RNPEP: variants seen among roughly 807,000 people sequenced by gnomAD.
RNPEP encodes arginyl aminopeptidase.
RNPEP carries 57 observed loss-of-function variants against 70.1 expected under a neutral mutation model. That is an observed-to-expected ratio of 0.81 (90% CI 0.66 to 1.01). The LOEUF (loss-of-function observed/expected upper bound fraction) is 1.01, where lower values mean the gene tolerates loss of function less well. RNPEP is among the 50% of genes least tolerant of loss of function. The probability of loss-of-function intolerance (pLI) is 0.00; values close to 1 mark genes in which losing one functional copy is unlikely to be tolerated. For synonymous variants in RNPEP, 335 were observed against 357.4 expected, an observed-to-expected ratio of 0.94 and a Z score of 0.71; for missense variants, 787 against 852.4, an observed-to-expected ratio of 0.92 and a Z score of 0.96.
In RNPEP at chr1:202,005,816, A is replaced by T; in HGVS notation, c.*100A>T. ...TTCCCTGATCAACTTCCTGGAGTTT[A>T]TATCCCCTCAGGATAATCTATTCTC... On this transcript the variant is annotated 3_prime_UTR_variant, in exon 11 of 11. Coordinates refer to ENST00000295640, the MANE Select transcript of RNPEP (RefSeq NM_020216.4). The T allele has an allele frequency of 7.4e-7, 1 of 1,344,554 alleles. No homozygotes were observed. The allele number at this position is 1,344,554 out of a possible 1,614,324, so 83.3% of individuals were successfully genotyped here.
At position 201,986,816 on chromosome 1, in the gene RNPEP, AG is replaced by A. The variant is rs574897847; in HGVS notation, c.448-2086del. ...CGGCCTCCCAAAGTGCTGGGATTAC[AG>A]GTGTGAGCCACTGCGCCCAGCCAAA... On this transcript the variant is annotated intron_variant, in intron 1 of 10. Coordinates refer to ENST00000295640, the MANE Select transcript of RNPEP (RefSeq NM_020216.4). Among the ~76,000 whole-genome samples the A allele has an allele frequency of 2.1e-3, 313 of 152,226 alleles. 1 individual carries two copies. Among genetic ancestry groups the A allele is most frequent in the Non-Finnish European group, 3.0e-3 (206 of 68,010 alleles).
intron 3 of RNPEP, 55 bp from the exon 4 acceptor site, chr1:201,996,092 G>A: frequency 3.5e-6 from 5 of 1,416,996 alleles, no homozygotes; most frequent in South Asian, 2.3e-5. Flanking sequence ...TCAGGATCAG[G>A]TCACTGCGAT....
At chr1:202,002,885 A>G (rs1490410771) in intron 8 of RNPEP, among the ~76,000 whole-genome samples, 1 of 152,202 alleles carries the variant, frequency 6.6e-6, no homozygotes, top group Non-Finnish European at 1.5e-5. Flanking sequence ...ATGACAGAGC[A>G]GGGGTAGGAA....
chr1:201,983,747 T>G, intron 1 of RNPEP: 1 of 1,119,374 alleles, frequency 8.9e-7, no homozygotes, highest in Non-Finnish European at 1.1e-6. Flanking sequence ...CTTCTCACTG[T>G]TGGTTAACTC....
intron 6 of RNPEP, 65 bp from the exon 7 acceptor site, chr1:202,001,311 A>C: frequency 4.1e-5 from 45 of 1,098,912 alleles, no homozygotes; most frequent in African/African-American, 7.7e-5. Context: ...CTGTGGAGCT[A>C]GAGAAGAACG....
chr1:201,983,465 G>A (rs760342342), intron 1 of RNPEP: 3 of 1,397,598 alleles, frequency 2.1e-6, no homozygotes, highest in South Asian at 1.2e-5. Flanking sequence ...CTTTCTAGAT[G>A]ACCTGTTGTT....
intron 1 of RNPEP, among the ~76,000 whole-genome samples, chr1:201,987,428 CTTTTTTTTTTTTTTTTTT>C (rs200892295): frequency 9.0e-4 from 101 of 111,958 alleles, no homozygotes; most frequent in African/African-American, 3.3e-3. Context: ...TCAGATTTTA[CTTTTTTTTTTTTTTTTTT>C]TTTTTTTTTG....
In RNPEP at chr1:201,992,366, C is replaced by T. The variant is rs557064281; in HGVS notation, c.737+2835C>T. Among the ~76,000 whole-genome samples the T allele has an allele frequency of 1.4e-3, 206 of 152,266 alleles. 1 individual carries two copies. The highest frequency in any genetic ancestry group is 2.6e-3 in the Non-Finnish European group (179 of 68,020). ...TCTTGACCTCTACTCAGGGAGCCTTCTCCACTCTGTCAGCCACCCATATTC... is the reference window on the plus strand; with the variant it reads ...TCTTGACCTCTACTCAGGGAGCCTTTTCCACTCTGTCAGCCACCCATATTC... On this transcript the variant is annotated intron_variant, in intron 3 of 10. Coordinates refer to ENST00000295640, the MANE Select transcript of RNPEP (RefSeq NM_020216.4).
rs1415033893 is a variant in RNPEP, at chr1:202,003,480, C to A, written c.1651+19C>A. The stretch of plus-strand genomic sequence containing the variant: ...CCTCCTGGTAAGAAAAAATGGTGAA[C>A]CAGGGCTCCTTGTGTGCACAGCTTT... On this transcript the variant is annotated intron_variant, in intron 9 of 10. Coordinates refer to ENST00000295640, the MANE Select transcript of RNPEP (RefSeq NM_020216.4). 2.6e-6 allele frequency: 4 copies of A among 1,551,006 alleles called. No individual in the cohort carries two copies. The highest frequency in any genetic ancestry group is 3.6e-6 in the Non-Finnish European group (4 of 1,125,354).
intron 5 of RNPEP, among the ~76,000 whole-genome samples, chr1:201,999,314 C>T (rs760008307): frequency 2.6e-5 from 4 of 152,112 alleles, no homozygotes; most frequent in South Asian, 2.1e-4. Context: ...GAGGCCAAGG[C>T]GGGCATATCA....
intron 9 of RNPEP, among the ~76,000 whole-genome samples, chr1:202,003,887 C>A (rs1291879704): frequency 6.6e-6 from 1 of 152,158 alleles, no homozygotes; most frequent in South Asian, 2.1e-4. Flanking sequence ...TCGCACAGAA[C>A]CCAGTCATCC....
At chr1:201,994,271 T>C (rs1683460318) in intron 3 of RNPEP, among the ~76,000 whole-genome samples, 1 of 152,216 alleles carries the variant, frequency 6.6e-6, no homozygotes, top group Non-Finnish European at 1.5e-5. Context: ...TAACATATTT[T>C]CTGTGTTCTG....
Position 201,982,973 on chromosome 1 carries a change from C to A in RNPEP, c.307C>A (p.Pro103Thr), listed in dbSNP as rs1471461158. The A allele has an allele frequency of 4.0e-6, 6 of 1,506,358 alleles. No individual in the cohort carries two copies. The highest frequency in any genetic ancestry group is 2.9e-5 in the African/African-American group (2 of 68,616). 93.3% of individuals were successfully genotyped at this position (1,506,358 alleles called of 1,614,324 possible). A position where few individuals can be genotyped will look rare whatever the true frequency, so the allele number is the denominator to read the frequency against. The change falls in exon 1 of 11, where the codon CCG becomes ACG. Residue 103 changes from proline to threonine, a missense_variant. Pro to Thr is a conservative substitution (Grantham distance 38, BLOSUM62 -1). Transcript: ENST00000295640. The stretch of plus-strand genomic sequence containing the variant: ...GCGGGAGCGGCCCGGCTCGGAGGAG[C>A]CGCCTGCGGAGCCCGTGAGCTTCTA... ...LRRERPGSEE[P>T]PAEPVSFYTQ...
chr1:201,997,891 G>A (rs1447825179), intron 5 of RNPEP, among the ~76,000 whole-genome samples: 1 of 151,040 alleles, frequency 6.6e-6, no homozygotes, highest in African/African-American at 2.4e-5. Context: ...AGCCTCCCGA[G>A]TAGCTGGGAT....
intron 1 of RNPEP, among the ~76,000 whole-genome samples, chr1:201,986,775 G>A (rs575701663): frequency 6.6e-6 from 1 of 151,078 alleles, no homozygotes; most frequent in South Asian, 2.1e-4. Context: ...CCCGACCTCA[G>A]GTGATCCACC....
chr1:201,984,118 G>A (rs1166929698), intron 1 of RNPEP, among the ~76,000 whole-genome samples: 1 of 152,118 alleles, frequency 6.6e-6, no homozygotes, highest in Non-Finnish European at 1.5e-5. Flanking sequence ...GTTTAGTAGA[G>A]ACAAAATTTC....
Position 201,989,384 on chromosome 1 carries a change from T to C in RNPEP, c.590T>C (p.Val197Ala). 6.2e-7 allele frequency: 1 copy of C among 1,613,960 alleles called. No homozygotes were observed. The highest frequency in any genetic ancestry group is 8.5e-7 in the Non-Finnish European group (1 of 1,179,984). The change falls in exon 3 of 11, where the codon GTC (valine) becomes GCC (alanine). Residue 197 changes from valine (V) to alanine (A), a missense_variant and splice_region_variant. Physicochemically the swap from Val to Ala is moderately conservative, Grantham distance 64. Coordinates refer to ENST00000295640, the MANE Select transcript of RNPEP (RefSeq NM_020216.4). ...CTCCTAAGCTTTCTCTGTTGTCAGG[T>C]CCCAGATGGCTTCACAGCTGTGATG... ...VKYKYSALIE[V>A]PDGFTAVMSA...
intron 6 of RNPEP, chr1:202,000,297 C>T: frequency 3.2e-6 from 1 of 315,048 alleles, no homozygotes; most frequent in Non-Finnish European, 6.0e-6. Context: ...TTTCGCATTC[C>T]TTCATGATCA....
chr1:202,005,221 T>C (rs889138120), intron 10 of RNPEP, among the ~76,000 whole-genome samples: 15 of 152,252 alleles, frequency 9.9e-5, no homozygotes, highest in African/African-American at 3.6e-4. Context: ...CCGCAGCTGC[T>C]GATATCTGCT....
Sources: allele counts gnomAD v4.1 joint callset (sites outside exome capture counted in the v4.1 genomes callset), GRCh38; gene constraint gnomAD v4.1.1; transcripts MANE v1.5; gene names NCBI Gene and HGNC (gene_info 2026-07-23, HGNC 2026-07-21).